Variants in CDH13 observed in about 807,000 individuals in gnomAD.
The protein encoded by CDH13 is cadherin 13.
A neutral mutation model predicts 63.8 loss-of-function variants in CDH13; 24 were observed. The ratio of observed to expected loss-of-function variants is 0.38; its 90% CI spans 0.27 to 0.53. The LOEUF is 0.53. Among genes scored for constraint, CDH13 ranks in the 20% least tolerant of loss-of-function variants. The pLI, the probability that CDH13 is intolerant of heterozygous loss-of-function variation, is 0.85. For synonymous variants in CDH13, 503 were observed against 355.3 expected, an observed-to-expected ratio of 1.42 and a Z score of -4.67; for missense variants, 1,049 against 903.1, an observed-to-expected ratio of 1.16 and a Z score of -2.07.
intron 5 of CDH13, among the ~76,000 whole-genome samples, chr16:83,283,723 C>G (rs1012793117): frequency 6.6e-6 from 1 of 152,120 alleles, no homozygotes. Context: ...CCATCATCGG[C>G]CTCTCTGTGT....
chr16:82,982,949 G>A (rs149476321), intron 2 of CDH13, among the ~76,000 whole-genome samples: 108 of 152,222 alleles, frequency 7.1e-4, no homozygotes, highest in Non-Finnish European at 1.0e-3. Flanking sequence ...TAGTTATTTC[G>A]TTTGCTAAGC....
intron 1 of CDH13, among the ~76,000 whole-genome samples, chr16:82,776,621 A>G (rs2035509545): frequency 6.6e-6 from 1 of 152,188 alleles, no homozygotes; most frequent in Admixed American, 6.6e-5. Flanking sequence ...GTTTTAACTG[A>G]ATGAGGAAGT....
chr16:82,675,396 C>G (rs757232200), intron 1 of CDH13, among the ~76,000 whole-genome samples: 12 of 152,050 alleles, frequency 7.9e-5, no homozygotes, highest in Non-Finnish European at 1.5e-4. Flanking sequence ...GAATGTCAAA[C>G]TGATGGAAGG....
intron 1 of CDH13, among the ~76,000 whole-genome samples, chr16:82,660,093 A>T (rs1271432556): frequency 2.6e-5 from 4 of 152,206 alleles, no homozygotes; most frequent in Admixed American, 2.6e-4. Context: ...AAAAGCAGAA[A>T]GTAATACTGC....
chr16:83,628,261 C>T (rs141514758), intron 8 of CDH13, among the ~76,000 whole-genome samples: 1 of 151,932 alleles, frequency 6.6e-6, no homozygotes, highest in East Asian at 1.9e-4. Context: ...CTGACACTAC[C>T]ATGCCAGGCT....
chr16:82,667,554 AG>A (rs1294621888), intron 1 of CDH13, among the ~76,000 whole-genome samples: 1 of 144,286 alleles, frequency 6.9e-6, no homozygotes, highest in Non-Finnish European at 1.5e-5. Context: ...CGAGTTAAGA[AG>A]GAAGCCCTTG....
chr16:82,965,352 C>G lies in CDH13; in HGVS notation c.158-66658C>G, dbSNP rs539714179. The stretch of plus-strand genomic sequence containing the variant: ...AGCCCCTATGGAGGAGACAAAGATG[C>G]AAAATTTTTAGTTTGGTTTTATTCT... On this transcript the variant is annotated intron_variant, in intron 2 of 13. Coordinates refer to ENST00000567109, the MANE Select transcript of CDH13 (RefSeq NM_001257.5). Among the ~76,000 whole-genome samples the G allele has an allele frequency of 2.4e-4, 36 of 152,296 alleles. 1 individual carries two copies. Among genetic ancestry groups the G allele is most frequent in the African/African-American group, 8.7e-4 (36 of 41,578 alleles).
intron 6 of CDH13, among the ~76,000 whole-genome samples, chr16:83,383,485 G>A (rs139637074): frequency 6.8e-4 from 104 of 152,324 alleles, no homozygotes; most frequent in African/African-American, 2.4e-3. Context: ...CCCTGATGGT[G>A]TGGAGTGATT....
At chr16:83,344,398 C>T (rs530077744) in intron 5 of CDH13, among the ~76,000 whole-genome samples, 1 of 152,238 alleles carries the variant, frequency 6.6e-6, no homozygotes, top group South Asian at 2.1e-4. Flanking sequence ...TGAGGAAAGC[C>T]CCCAACAAAT....
At chr16:82,860,522 A>AAAG (rs1032811441) in intron 2 of CDH13, among the ~76,000 whole-genome samples, 16 of 152,232 alleles carry the variant, frequency 1.1e-4, no homozygotes, top group African/African-American at 3.9e-4. Flanking sequence ...ACATTCAGAA[A>AAAG]AAGTCAGTGA....
intron 10 of CDH13, among the ~76,000 whole-genome samples, chr16:83,681,701 G>T (rs1915421752): frequency 6.6e-6 from 1 of 152,180 alleles, no homozygotes; most frequent in South Asian, 2.1e-4. Context: ...GGAAAAAGAG[G>T]CTCATTAATT....
chr16:83,684,368 T>G (rs1486953363), intron 10 of CDH13, among the ~76,000 whole-genome samples: 1 of 151,308 alleles, frequency 6.6e-6, no homozygotes, highest in African/African-American at 2.4e-5. Context: ...AAAGCGTGAC[T>G]CCATCACAAA....
At chr16:82,879,161 T>C (rs185571882) in intron 2 of CDH13, among the ~76,000 whole-genome samples, 6 of 152,262 alleles carry the variant, frequency 3.9e-5, no homozygotes, top group Admixed American at 3.9e-4. Context: ...GTCCTCATAG[T>C]ATTGGTGGCA....
At chr16:83,690,724 T>C (rs1904775246) in intron 10 of CDH13, among the ~76,000 whole-genome samples, 1 of 151,950 alleles carries the variant, frequency 6.6e-6, no homozygotes, top group Non-Finnish European at 1.5e-5. Flanking sequence ...AATTTGTTGT[T>C]GTTGTTTTTA....
intron 6 of CDH13, among the ~76,000 whole-genome samples, chr16:83,429,523 C>CAG (rs1012992157): frequency 1.3e-5 from 2 of 151,986 alleles, no homozygotes; most frequent in African/African-American, 4.8e-5. Flanking sequence ...CACACACACA[C>CAG]ACACACACAC....
rs2073081951 is a variant in CDH13, at chr16:83,458,412, A to G, written c.782-28065A>G. Among the ~76,000 whole-genome samples, 5 of 152,320 alleles carry G rather than the reference A, an allele frequency of 3.3e-5. No homozygotes were observed. The South Asian group carries it at 1.0e-3, about 32-fold the overall frequency. ...ACACTTCCCAACATCATCGCCATTAACAACTGTGTGTAGTCCTCTTATATT... is the reference window on the plus strand; with the variant it reads ...ACACTTCCCAACATCATCGCCATTAGCAACTGTGTGTAGTCCTCTTATATT... On this transcript the variant is annotated intron_variant, in intron 6 of 13. Transcript: ENST00000567109.
At chr16:82,641,999 C>A (rs1052677010) in intron 1 of CDH13, among the ~76,000 whole-genome samples, 1 of 150,798 alleles carries the variant, frequency 6.6e-6, no homozygotes, top group East Asian at 2.0e-4. Flanking sequence ...TTATTTTCAT[C>A]TGCTTCCCAA....
At chr16:82,928,198 G>A (rs1242345578) in intron 2 of CDH13, among the ~76,000 whole-genome samples, 2 of 151,814 alleles carry the variant, frequency 1.3e-5, no homozygotes, top group Non-Finnish European at 2.9e-5. Flanking sequence ...GTATGCGTGT[G>A]TAATCCACAT....
intron 1 of CDH13, among the ~76,000 whole-genome samples, chr16:82,724,855 A>T (rs944617599): frequency 6.6e-6 from 1 of 152,164 alleles, no homozygotes; most frequent in African/African-American, 2.4e-5. Context: ...GTACACCCTC[A>T]GTCTTCCAGT....
Sources: allele counts gnomAD v4.1 joint callset (sites outside exome capture counted in the v4.1 genomes callset), GRCh38; gene constraint gnomAD v4.1.1; transcripts MANE v1.5; gene names NCBI Gene and HGNC (gene_info 2026-07-23, HGNC 2026-07-21).